SAMD5: variants seen among roughly 807,000 people sequenced by gnomAD.
SAMD5 encodes sterile alpha motif domain-containing protein 5.
Under a neutral mutation model 11.3 loss-of-function variants are expected in SAMD5, and 13 were observed. The ratio of observed to expected loss-of-function variants is 1.15; its 90% confidence interval spans 0.75 to 1.83. The LOEUF is 1.83. Among genes scored for constraint, SAMD5 ranks in the 40% most tolerant of loss-of-function variants. SAMD5 has a pLI of 0.00. For synonymous variants in SAMD5, 129 were observed against 111.3 expected (o/e 1.16, Z -1.00); for missense variants, 255 against 239.1 (o/e 1.07, Z -0.44).
intron 1 of SAMD5, among the ~76,000 whole-genome samples, chr6:147,675,421 C>T (rs1370097385): frequency 1.3e-5 from 2 of 152,140 alleles, no homozygotes; most frequent in African/African-American, 2.4e-5. Flanking sequence ...CATATACATC[C>T]GTACTATAAA....
chr6:147,656,579 G>A (rs1790571160), intron 1 of SAMD5, among the ~76,000 whole-genome samples: 1 of 152,190 alleles, frequency 6.6e-6, no homozygotes, highest in South Asian at 2.1e-4. Context: ...AATAAATGAA[G>A]CAAGAATGCA....
chr6:147,840,965 G>A, the SAMD5 span, among the ~76,000 whole-genome samples: 1 of 152,170 alleles, frequency 6.6e-6, no homozygotes, highest in African/African-American at 2.4e-5. Context: ...ATCAACAGAG[G>A]CAAAATAACA....
At chr6:147,882,125 A>G in the SAMD5 span, among the ~76,000 whole-genome samples, 4 of 152,126 alleles carry the variant, frequency 2.6e-5, no homozygotes, top group Non-Finnish European at 5.9e-5. Flanking sequence ...TTTTCTTCTC[A>G]GTTGTAGCGG....
At chr6:147,856,163 A>G in the SAMD5 span, among the ~76,000 whole-genome samples, 4 of 152,210 alleles carry the variant, frequency 2.6e-5, no homozygotes, top group African/African-American at 9.6e-5. Flanking sequence ...AAGTGGAAAA[A>G]GTCTATAACA....
At chr6:147,830,251 C>CT in the SAMD5 span, among the ~76,000 whole-genome samples, 974 of 84,932 alleles carry the variant, frequency 0.011, 19 homozygotes, top group African/African-American at 0.015. Context: ...TTCTTTCTTT[C>CT]TTTTTTTTTT....
chr6:147,725,387 CTTTT>C (rs10711772), intron 1 of SAMD5, among the ~76,000 whole-genome samples: 5 of 119,166 alleles, frequency 4.2e-5, no homozygotes, highest in Admixed American at 1.7e-4. Flanking sequence ...ACTGACCTGG[CTTTT>C]TTTTTTTTTT....
rs776605821 is a variant in SAMD5, at chr6:147,509,273, C to G, written c.345C>G (p.Thr115=). 1 of 1,557,172 alleles carries G rather than the reference C, an allele frequency of 6.4e-7. No individual in the cohort carries two copies. Among genetic ancestry groups the G allele is most frequent in the Non-Finnish European group, 8.7e-7 (1 of 1,155,182 alleles). ...GCGGGGACTCTCGCGGCCACACGAC[C>G]GCCCCCCGCAGCAGGGAGCTGGTGA... is the stretch of plus-strand genomic sequence containing the variant. ...GTRGDSRGHT[T]APRSRELVSY... The change falls in exon 1 of 2, where the codon ACC becomes ACG. Residue 115 remains threonine, a synonymous_variant. Coordinates refer to ENST00000367474, the MANE Select transcript of SAMD5 (RefSeq NM_001030060.3).
At chr6:147,842,627 T>A in the SAMD5 span, among the ~76,000 whole-genome samples, 1 of 151,968 alleles carries the variant, frequency 6.6e-6, no homozygotes, top group Non-Finnish European at 1.5e-5. Flanking sequence ...ATGAAAAAAA[T>A]GCGTCTTTAT....
chr6:147,651,361 A>AT (rs1790481070), intron 1 of SAMD5, among the ~76,000 whole-genome samples: 1 of 152,192 alleles, frequency 6.6e-6, no homozygotes, highest in Admixed American at 6.5e-5. Flanking sequence ...TTAACATATG[A>AT]TTTTCCCTCT....
At chr6:147,582,032 C>G (rs1789305724) in intron 1 of SAMD5, among the ~76,000 whole-genome samples, 1 of 152,000 alleles carries the variant, frequency 6.6e-6, no homozygotes, top group Admixed American at 6.6e-5. Flanking sequence ...ACACATTGAC[C>G]TAGGCAGAGA....
At chr6:147,550,274 A>G (rs1292877789) in intron 1 of SAMD5, among the ~76,000 whole-genome samples, 1 of 152,002 alleles carries the variant, frequency 6.6e-6, no homozygotes, top group East Asian at 1.9e-4. Context: ...AGCATGTTGA[A>G]GGGAAAGGGA....
At chr6:147,532,745 A>G (rs1055610282) in intron 1 of SAMD5, among the ~76,000 whole-genome samples, 2 of 152,110 alleles carry the variant, frequency 1.3e-5, no homozygotes, top group African/African-American at 4.8e-5. Context: ...TTACATTCCC[A>G]CCCACAGTAT....
chr6:147,768,706 C>A, the SAMD5 span, among the ~76,000 whole-genome samples: 5 of 152,148 alleles, frequency 3.3e-5, no homozygotes, highest in Non-Finnish European at 7.3e-5. Flanking sequence ...TGTTTTGATA[C>A]ATATTTAAAT....
At chr6:147,771,291 A>G in the SAMD5 span, among the ~76,000 whole-genome samples, 1 of 152,202 alleles carries the variant, frequency 6.6e-6, no homozygotes, top group Non-Finnish European at 1.5e-5. Flanking sequence ...CTTTGGGATA[A>G]GCAGTGGGTA....
intron 1 of SAMD5, among the ~76,000 whole-genome samples, chr6:147,536,692 G>A (rs1386703436): frequency 2.0e-5 from 3 of 151,926 alleles, no homozygotes; most frequent in African/African-American, 7.3e-5. Context: ...AATGGACTAG[G>A]AATTTTGGTT....
intron 1 of SAMD5, among the ~76,000 whole-genome samples, chr6:147,664,480 T>G (rs1790689048): frequency 6.6e-6 from 1 of 152,190 alleles, no homozygotes; most frequent in Non-Finnish European, 1.5e-5. Flanking sequence ...TACCCAAGGC[T>G]GTATTTCTGA....
the SAMD5 span, among the ~76,000 whole-genome samples, chr6:147,816,301 A>AAAAAATAT: frequency 4.7e-3 from 313 of 66,320 alleles, 5 homozygotes; most frequent in Admixed American, 8.1e-3. Flanking sequence ...AAAAAAAAAA[A>AAAAAATAT]ATATATATAT....
the SAMD5 span, among the ~76,000 whole-genome samples, chr6:147,947,288 T>A: frequency 6.6e-6 from 1 of 152,214 alleles, no homozygotes; most frequent in Admixed American, 6.5e-5. Context: ...GTCGAAGACT[T>A]GCTCACTCCT....
At chr6:147,758,293 A>G in the SAMD5 span, among the ~76,000 whole-genome samples, 2 of 152,356 alleles carry the variant, frequency 1.3e-5, no homozygotes, top group Admixed American at 1.3e-4. Flanking sequence ...GCAGCACTCT[A>G]CAAAACATTT....
Sources: gnomAD v4.1 joint callset for allele counts (sites outside exome capture counted in the v4.1 genomes callset) on GRCh38, gnomAD v4.1.1 for gene constraint, MANE v1.5 for transcripts, NCBI Gene and HGNC (gene_info 2026-07-23, HGNC 2026-07-21) for gene names.